The following YJU2B variants were observed in gnomAD, a reference collection of about 807,000 sequenced individuals.
YJU2B encodes probable splicing factor YJU2B.
Under a neutral mutation model 38.0 loss-of-function variants are expected in YJU2B, and 18 were observed. That is an observed-to-expected ratio of 0.47 (90% CI 0.33 to 0.70). YJU2B has a LOEUF of 0.70. Ranked by LOEUF, YJU2B falls within the 30% of genes least tolerant of loss-of-function variation. The probability of loss-of-function intolerance (pLI) is 0.02; values close to 1 mark genes in which losing one functional copy is unlikely to be tolerated. For synonymous variants in YJU2B, 246 were observed against 225.4 expected, an observed-to-expected ratio of 1.09 and a Z score of -0.82; for missense variants, 538 against 556.3, an observed-to-expected ratio of 0.97 and a Z score of 0.33.
In YJU2B at chr19:13,762,887, C is replaced by T; in HGVS notation, c.1010C>T (p.Pro337Leu). The change falls in exon 10 of 10, where the codon CCT (proline) becomes CTT (leucine). Residue 337 changes from proline to leucine, a missense_variant. Physicochemically the swap from Pro to Leu is moderately conservative, Grantham distance 98 (BLOSUM62 -3). Transcript: ENST00000221554. ...QDRPMSPGDC[P>L]PETTETPKCS... is the part of the protein sequence containing the mutation. Reference sequence around the variant, plus strand: ...CGGCCCATGTCCCCCGGAGACTGTCCTCCGGAAACAACTGAGACCCCCAAG... The same window carrying T: ...CGGCCCATGTCCCCCGGAGACTGTCTTCCGGAAACAACTGAGACCCCCAAG... The T allele has an allele frequency of 6.2e-7, 1 of 1,611,382 alleles. No individual in the cohort carries two copies. The highest frequency in any genetic ancestry group is 8.5e-7 in the Non-Finnish European group (1 of 1,179,522).
rs750480091 is a variant in YJU2B, at chr19:13,758,959, C to T, written c.349C>T (p.Arg117Cys). ...CDYVIVSGAQ[R>C]KEERWDMADN... ...CTACGTGATCGTGAGTGGCGCCCAG[C>T]GCAAGGAGGAGCGCTGGGACATGGC... The change falls in exon 7 of 10, where the codon CGC becomes TGC. Residue 117 changes from arginine (R) to cysteine (C), a missense_variant. This residue lies in a region of YJU2B where 488 missense variants were observed against 469.5 expected (regional missense o/e 1.04). Coordinates refer to ENST00000221554, the MANE Select transcript of YJU2B (RefSeq NM_030818.4). The T allele has an allele frequency of 1.2e-5, 19 of 1,613,904 alleles. No homozygotes were observed. The highest frequency in any genetic ancestry group is 2.2e-5 in the East Asian group (1 of 44,904).
intron 1 of YJU2B, among the ~76,000 whole-genome samples, chr19:13,750,634 T>C (rs1973422473): frequency 6.6e-6 from 1 of 151,546 alleles, no homozygotes; most frequent in African/African-American, 2.4e-5. Flanking sequence ...CCTAGGTGTG[T>C]GGATCACCTC....
At chr19:13,745,592 G>A (rs1005403776), upstream of YJU2B, among the ~76,000 whole-genome samples, 15 of 151,158 alleles carry the variant, frequency 9.9e-5, no homozygotes, top group South Asian at 4.2e-4. Flanking sequence ...TGGAGGTTGC[G>A]GTGAGCCAAG....
rs760550949 is a variant in YJU2B, at chr19:13,762,954, G to T, written c.1077G>T (p.Lys359Asn). ...GGCAGGAAGGGAGCCGTCAGGACAA[G>T]CCCCTGTCGCCAGCAGGCTCCTCCC... ...PRGQEGSRQD[K>N]PLSPAGSSQE... Residue 359 changes from lysine to asparagine, a missense_variant, in exon 10 of 10, where the codon AAG becomes AAT. Transcript: ENST00000221554. The T allele has an allele frequency of 3.1e-6, 5 of 1,611,848 alleles. No homozygotes were observed. In the South Asian group the frequency reaches 5.5e-5, roughly 18 times the overall value.
At chr19:13,738,151 T>A (rs1368617428) in intron 2 of YJU2B, among the ~76,000 whole-genome samples, 4 of 152,196 alleles carry the variant, frequency 2.6e-5, no homozygotes, top group Non-Finnish European at 5.9e-5. Flanking sequence ...AGCTTTCCAC[T>A]AATTAGTGAA....
At chr19:13,738,196 G>A (rs939683601) in intron 2 of YJU2B, among the ~76,000 whole-genome samples, 4 of 152,216 alleles carry the variant, frequency 2.6e-5, no homozygotes, top group African/African-American at 9.6e-5. Flanking sequence ...GTTCTGGGAA[G>A]TTTCCTCTTC....
At chr19:13,751,861 G>A (rs747377616) in intron 2 of YJU2B, 50 bp downstream of exon 2, 3 of 1,595,264 alleles carry the variant, frequency 1.9e-6, no homozygotes, top group Non-Finnish European at 2.6e-6. Flanking sequence ...GTCTTTGTAG[G>A]ACCCTGGAAG....
At chr19:13,744,268 T>G (rs77501711), upstream of YJU2B, among the ~76,000 whole-genome samples, 1 of 152,164 alleles carries the variant, frequency 6.6e-6, no homozygotes, top group Non-Finnish European at 1.5e-5. Flanking sequence ...TTAAAAATTT[T>G]GAGTCAGTAG....
upstream of YJU2B, among the ~76,000 whole-genome samples, chr19:13,746,652 A>T (rs985607713): frequency 2.0e-5 from 3 of 152,226 alleles, no homozygotes; most frequent in Non-Finnish European, 4.4e-5. Flanking sequence ...CATGCCTGTA[A>T]TCCAGGCACT....
intron 2 of YJU2B, among the ~76,000 whole-genome samples, chr19:13,733,737 G>A (rs576636690): frequency 5.9e-5 from 9 of 151,900 alleles, no homozygotes; most frequent in African/African-American, 1.4e-4. Flanking sequence ...AACAAAAAAC[G>A]AACATTAGAC....
intron 8 of YJU2B, among the ~76,000 whole-genome samples, chr19:13,760,479 C>T (rs1474709870): frequency 4.6e-5 from 7 of 152,168 alleles, no homozygotes; most frequent in African/African-American, 1.4e-4. Context: ...ACACTGTCAA[C>T]GTTGAGGATT....
intron 8 of YJU2B, 60 bp downstream of exon 8, chr19:13,759,332 A>G (rs1691111387): frequency 7.1e-7 from 1 of 1,405,554 alleles, no homozygotes. Context: ...GCCCGGGTCC[A>G]GCCCTCCCCC....
At chr19:13,739,862 G>C (rs1438894835) in intron 2 of YJU2B, among the ~76,000 whole-genome samples, 1 of 152,098 alleles carries the variant, frequency 6.6e-6, no homozygotes, top group Non-Finnish European at 1.5e-5. Context: ...AGCCCCACAT[G>C]CATTACGTAT....
intron 5 of YJU2B, 83 bp downstream of exon 5, chr19:13,757,556 G>T (rs1319255098): frequency 7.8e-7 from 1 of 1,274,480 alleles, no homozygotes; most frequent in Admixed American, 1.7e-5. Context: ...GGGGTGGGAG[G>T]GTCCTGATCA....
upstream of YJU2B, among the ~76,000 whole-genome samples, chr19:13,743,451 A>G (rs375667999): frequency 5.3e-5 from 8 of 149,854 alleles, no homozygotes; most frequent in African/African-American, 2.0e-4. Flanking sequence ...GTGGTGGCAC[A>G]TGCCTGTGAT....
upstream of YJU2B, among the ~76,000 whole-genome samples, chr19:13,745,733 A>C (rs1354183772): frequency 7.8e-5 from 9 of 115,756 alleles, no homozygotes; most frequent in African/African-American, 1.4e-4. Flanking sequence ...ATATCTATAT[A>C]TATATATATA....
chr19:13,758,383 T>A (rs1391592494), intron 6 of YJU2B, among the ~76,000 whole-genome samples: 1 of 152,228 alleles, frequency 6.6e-6, no homozygotes, highest in Non-Finnish European at 1.5e-5. Context: ...CAGCTGGCAC[T>A]GAGCCTGCCA....
intron 1 of YJU2B, among the ~76,000 whole-genome samples, chr19:13,751,239 A>G (rs1001306626): frequency 4.6e-5 from 7 of 152,244 alleles, no homozygotes; most frequent in African/African-American, 1.7e-4. Flanking sequence ...AACATGGTGA[A>G]ACCCTGTCTC....
At chr19:13,745,682 G>GATAGATAGATAGATAGATAGATAGAT (rs1555699802), upstream of YJU2B, among the ~76,000 whole-genome samples, 13 of 43,948 alleles carry the variant, frequency 3.0e-4, no homozygotes, top group African/African-American at 1.0e-3. Context: ...TAGATAGATA[G>GATAGATAGATAGATAGATAGATAGAT]ATAGATAGAT....
Sources: gnomAD v4.1 joint callset for allele counts (sites outside exome capture counted in the v4.1 genomes callset) on GRCh38, gnomAD v4.1.1 for gene constraint, gnomAD v4.1.1 regional missense constraint, MANE v1.5 for transcripts, NCBI Gene and HGNC (gene_info 2026-07-23, HGNC 2026-07-21) for gene names.